The following HDAC9 variants were observed in gnomAD, a reference collection of about 807,000 sequenced individuals.
HDAC9 encodes histone deacetylase 9, also known as MEF-2 interacting transcription repressor (MITR) protein.
Under a neutral mutation model 139.4 loss-of-function variants are expected in HDAC9, and 41 were observed. The observed-to-expected ratio is 0.29, with a 90% confidence interval of 0.23 to 0.38. HDAC9 has a LOEUF of 0.38. Ranked by LOEUF, HDAC9 falls within the 10% of genes least tolerant of loss-of-function variation. HDAC9 has a pLI of 1.00. For missense variants in HDAC9, 1,147 were observed against 1,297.0 expected, an observed-to-expected ratio of 0.88 and a Z score of 1.78; for synonymous variants, 517 against 476.2, an observed-to-expected ratio of 1.09 and a Z score of -1.12.
chr7:18,756,420 GAT>G (rs1788881265), intron 14 of HDAC9, among the ~76,000 whole-genome samples: 1 of 152,158 alleles, frequency 6.6e-6, no homozygotes, highest in Non-Finnish European at 1.5e-5. Context: ...TTTCAATTAT[GAT>G]TAAGCTTATA....
chr7:18,088,410 CA>C (rs1197963862), intron 1 of HDAC9, among the ~76,000 whole-genome samples: 2 of 152,092 alleles, frequency 1.3e-5, no homozygotes, highest in African/African-American at 4.8e-5. Flanking sequence ...GTCATGTTTT[CA>C]AATCTTGCAG....
At chr7:18,369,050 A>T (rs1418167157) in intron 1 of HDAC9, among the ~76,000 whole-genome samples, 1 of 152,088 alleles carries the variant, frequency 6.6e-6, no homozygotes, top group African/African-American at 2.4e-5. Flanking sequence ...TGTATGGGGC[A>T]TTTAGGGTTT....
intron 2 of HDAC9, among the ~76,000 whole-genome samples, chr7:18,532,082 C>G (rs2128237951): frequency 6.6e-6 from 1 of 152,184 alleles, no homozygotes; most frequent in South Asian, 2.1e-4. Flanking sequence ...AACCCTGTCT[C>G]TACTAAAAAT....
intron 19 of HDAC9, among the ~76,000 whole-genome samples, chr7:18,830,805 G>A (rs2588639): frequency 0.99 from 150,511 of 152,316 alleles, 74,367 homozygotes; most frequent in Middle Eastern, 1. Context: ...ATAGCTCACC[G>A]TTAAAGAAAT....
At chr7:18,930,794 A>G (rs925661567) in intron 22 of HDAC9, among the ~76,000 whole-genome samples, 5 of 152,120 alleles carry the variant, frequency 3.3e-5, no homozygotes, top group Admixed American at 2.6e-4. Context: ...CCTGTAGGTA[A>G]AAGAAAGAGG....
chr7:18,824,044 G>GGAAGAGGAAGAGGAAGAGGAA (rs71309048), intron 17 of HDAC9, among the ~76,000 whole-genome samples: 15 of 67,180 alleles, frequency 2.2e-4, no homozygotes, highest in South Asian at 1.1e-3. Context: ...AAGAGGAAGA[G>GGAAGAGGAAGAGGAAGAGGAA]GAAGAAGAAG....
At chr7:18,719,243 G>C (rs1376951277) in intron 12 of HDAC9, among the ~76,000 whole-genome samples, 2 of 149,618 alleles carry the variant, frequency 1.3e-5, no homozygotes, top group African/African-American at 4.9e-5. Context: ...TAACTTGTGG[G>C]TTACCTTTCC....
intron 2 of HDAC9, among the ~76,000 whole-genome samples, chr7:18,509,618 G>C (rs1440971009): frequency 1.3e-5 from 2 of 152,124 alleles, no homozygotes; most frequent in African/African-American, 4.8e-5. Context: ...ATACCTTAAT[G>C]CTCTATTCCA....
At chr7:18,252,508 A>G (rs915389013) in intron 2 of HDAC9, among the ~76,000 whole-genome samples, 2 of 152,322 alleles carry the variant, frequency 1.3e-5, no homozygotes, top group Non-Finnish European at 1.5e-5. Context: ...AAACATAGGA[A>G]TGACTTCAGA....
At chr7:18,489,012 T>G (rs1179568722) in intron 1 of HDAC9, among the ~76,000 whole-genome samples, 1 of 152,056 alleles carries the variant, frequency 6.6e-6, no homozygotes, top group African/African-American at 2.4e-5. Flanking sequence ...AAATTAATAT[T>G]TTAATAAGAA....
At chr7:18,979,759 A>T (rs569333921) in intron 25 of HDAC9, among the ~76,000 whole-genome samples, 1 of 146,518 alleles carries the variant, frequency 6.8e-6, no homozygotes, top group East Asian at 1.9e-4. Flanking sequence ...AGAAGCAAAC[A>T]AGAGAGAGAG....
intron 1 of HDAC9, among the ~76,000 whole-genome samples, chr7:18,422,210 C>T (rs10260051): frequency 0.11 from 16,251 of 152,108 alleles, 1,421 homozygotes; most frequent in African/African-American, 0.24. Context: ...AATAAAATGG[C>T]AAGAAAAGAG....
At chr7:18,387,223 C>T (rs944515553) in intron 1 of HDAC9, among the ~76,000 whole-genome samples, 4 of 152,086 alleles carry the variant, frequency 2.6e-5, no homozygotes, top group Non-Finnish European at 4.4e-5. Context: ...GGGAATCTAC[C>T]CTGCCACAGC....
chr7:18,086,991 C>G (rs919481302), exon 1 of HDAC9: 5 of 150,174 alleles, frequency 3.3e-5, no homozygotes, highest in African/African-American at 1.2e-4. Context: ...GCCGCTCTCG[C>G]CGCTTTCGCC....
chr7:18,542,056 T>C (rs1323243200), intron 2 of HDAC9, among the ~76,000 whole-genome samples: 1 of 152,108 alleles, frequency 6.6e-6, no homozygotes, highest in Admixed American at 6.6e-5. Context: ...CTCTACGCCC[T>C]AGATGCCAGT....
At chr7:18,263,608 ATTGAC>A (rs1209376632) in intron 2 of HDAC9, among the ~76,000 whole-genome samples, 4 of 112,146 alleles carry the variant, frequency 3.6e-5, no homozygotes, top group Non-Finnish European at 7.1e-5. Flanking sequence ...AGAGTTTATA[ATTGAC>A]TTTTTTTTTT....
chr7:18,547,237 T>G (rs114809621), intron 2 of HDAC9, among the ~76,000 whole-genome samples: 1,995 of 152,240 alleles, frequency 0.013, 45 homozygotes, highest in African/African-American at 0.046. Flanking sequence ...ACTCTGACAC[T>G]TTCTTTTTTT....
chr7:18,814,971 A>G (rs1794454905), intron 17 of HDAC9, among the ~76,000 whole-genome samples: 1 of 152,026 alleles, frequency 6.6e-6, no homozygotes, highest in South Asian at 2.1e-4. Flanking sequence ...ATGATGGTGA[A>G]AATATTTGTA....
chr7:18,444,493 C>T (rs986929205), intron 1 of HDAC9, among the ~76,000 whole-genome samples: 2 of 151,740 alleles, frequency 1.3e-5, no homozygotes, highest in Admixed American at 6.6e-5. Context: ...TATTTTTTAT[C>T]CCCCGACCAC....
Sources: allele counts gnomAD v4.1 joint callset (sites outside exome capture counted in the v4.1 genomes callset), GRCh38; gene constraint gnomAD v4.1.1; transcripts MANE v1.5; gene names NCBI Gene and HGNC (gene_info 2026-07-23, HGNC 2026-07-21).